PCDH9: variants seen among roughly 807,000 people sequenced by gnomAD.
The protein encoded by PCDH9 is protocadherin 9, also known as protocadherin-9.
In PCDH9, 24 loss-of-function variants were observed where a neutral mutation model predicts 70.6. The observed-to-expected ratio is 0.34, with a 90% confidence interval of 0.25 to 0.48. PCDH9 has a LOEUF of 0.48. PCDH9 is among the 20% of genes least tolerant of loss of function. The pLI is 0.99. For synonymous variants in PCDH9, 562 were observed against 558.5 expected (o/e 1.01, Z -0.09); for missense variants, 1,281 against 1,503.6 (o/e 0.85, Z 2.45).
At chr13:66,546,508 C>T (rs890366236) in intron 4 of PCDH9, among the ~76,000 whole-genome samples, 12 of 151,974 alleles carry the variant, frequency 7.9e-5, no homozygotes, top group African/African-American at 2.2e-4. Flanking sequence ...AAATATGTTC[C>T]TGTTTTAAGC....
rs566718314 is a variant in PCDH9, at chr13:66,434,938, A to G, written c.3341-129910T>C. Among the ~76,000 whole-genome samples the G allele has an allele frequency of 1.5e-4, 23 of 152,206 alleles. No individual in the cohort carries two copies. The East Asian group carries it at 3.9e-3, about 26-fold the overall frequency. On this transcript the variant is annotated intron_variant, in intron 4 of 4. Transcript: ENST00000377865. Reference sequence around the variant, plus strand: ...GAAAAAACATTAGAAGAGCCCAAAGAAGGAAATGTTTTATTGCTTAAAAAT... The same window carrying G: ...GAAAAAACATTAGAAGAGCCCAAAGGAGGAAATGTTTTATTGCTTAAAAAT...
intron 3 of PCDH9, among the ~76,000 whole-genome samples, chr13:66,828,300 A>G (rs2139399502): frequency 6.6e-6 from 1 of 152,332 alleles, no homozygotes; most frequent in African/African-American, 2.4e-5. Flanking sequence ...CCAAAGCATG[A>G]TAATTTCTGC....
chr13:66,623,381 CA>C (rs1228178875), intron 4 of PCDH9, among the ~76,000 whole-genome samples: 2 of 152,124 alleles, frequency 1.3e-5, no homozygotes, highest in Non-Finnish European at 2.9e-5. Flanking sequence ...GCTGTGGAGT[CA>C]GACACTCCTG....
chr13:66,811,734 CTCCT>C (rs1315668998), intron 3 of PCDH9, among the ~76,000 whole-genome samples: 4 of 130,266 alleles, frequency 3.1e-5, no homozygotes, highest in Middle Eastern at 3.9e-3. Context: ...TTCTCTTTCT[CTCCT>C]TCCTTCCTTC....
chr13:66,397,625 A>G (rs1024283359), intron 4 of PCDH9, among the ~76,000 whole-genome samples: 3 of 151,650 alleles, frequency 2.0e-5, no homozygotes, highest in Admixed American at 2.0e-4. Context: ...ATATATACAT[A>G]TTTTGTATAT....
chr13:66,338,489 C>A (rs567365748), intron 4 of PCDH9, among the ~76,000 whole-genome samples: 2 of 151,944 alleles, frequency 1.3e-5, no homozygotes, highest in African/African-American at 4.8e-5. Flanking sequence ...TTTTCTGAAG[C>A]TTTTTAATAT....
chr13:66,704,528 G>C (rs759230072), intron 3 of PCDH9, among the ~76,000 whole-genome samples: 2 of 152,114 alleles, frequency 1.3e-5, no homozygotes, highest in African/African-American at 2.4e-5. Context: ...AATAAGGTAA[G>C]TCTCTGACAC....
At chr13:66,907,559 A>C (rs910602087) in intron 2 of PCDH9, among the ~76,000 whole-genome samples, 1 of 152,238 alleles carries the variant, frequency 6.6e-6, no homozygotes, top group South Asian at 2.1e-4. Flanking sequence ...ACCTATAGAC[A>C]TATCTGCTCA....
intron 2 of PCDH9, among the ~76,000 whole-genome samples, chr13:67,110,229 G>C (rs2086630085): frequency 6.6e-6 from 1 of 151,514 alleles, no homozygotes. Flanking sequence ...AACAAAAAAA[G>C]AGAGAGAGAT....
chr13:66,581,683 A>G (rs1008305599), intron 4 of PCDH9, among the ~76,000 whole-genome samples: 2 of 152,178 alleles, frequency 1.3e-5, no homozygotes, highest in African/African-American at 4.8e-5. Context: ...TTCATCCACA[A>G]AAATTGAATT....
intron 3 of PCDH9, among the ~76,000 whole-genome samples, chr13:66,897,333 AAG>A (rs752875322): frequency 5.6e-4 from 85 of 152,080 alleles, no homozygotes; most frequent in African/African-American, 5.8e-4. Flanking sequence ...ATTATGAAAA[AAG>A]AGAGGTTGGA....
intron 4 of PCDH9, among the ~76,000 whole-genome samples, chr13:66,540,901 C>T (rs1960925533): frequency 6.6e-6 from 1 of 152,086 alleles, no homozygotes; most frequent in Admixed American, 6.6e-5. Context: ...GAGCAACACA[C>T]CTTGAAGGGC....
rs1412776510 is a variant in PCDH9 at position 66,944,815 on chromosome 13, C to CTGTGTG, written c.3037-41211_3037-41210insCACACA. ...CATTTAAGGCCCATCTTCTAATCGT[C>CTGTGTG]TCTGTGTGTGTGTGTGTGTGTGTGT... On this transcript the variant is annotated intron_variant, in intron 2 of 4. Transcript: ENST00000377865. 3.0e-4 allele frequency among the ~76,000 whole-genome samples: 18 copies of CTGTGTG among 60,132 alleles called. No individual in the cohort carries two copies. The East Asian group carries it at 6.7e-3, about 22-fold the overall frequency. The allele number at this position is 60,132 out of a possible 152,430, so 39.4% of individuals were successfully genotyped here.
At chr13:66,493,418 ATATC>A (rs1390070595) in intron 4 of PCDH9, among the ~76,000 whole-genome samples, 2 of 152,172 alleles carry the variant, frequency 1.3e-5, no homozygotes, top group Non-Finnish European at 1.5e-5. Flanking sequence ...AACTTAGCAC[ATATC>A]TATATGTTAT....
At chr13:66,586,010 A>G (rs2076957715) in intron 4 of PCDH9, among the ~76,000 whole-genome samples, 1 of 152,194 alleles carries the variant, frequency 6.6e-6, no homozygotes, top group Non-Finnish European at 1.5e-5. Context: ...AGCTTGCTCC[A>G]TTTCAACCCA....
At chr13:66,743,646 A>C (rs1240124436) in intron 3 of PCDH9, among the ~76,000 whole-genome samples, 4 of 152,176 alleles carry the variant, frequency 2.6e-5, no homozygotes, top group African/African-American at 9.6e-5. Flanking sequence ...AGTAGATTTT[A>C]AGTGTTCTCA....
intron 3 of PCDH9, among the ~76,000 whole-genome samples, chr13:66,840,000 C>A (rs1282606285): frequency 6.6e-6 from 1 of 152,120 alleles, no homozygotes; most frequent in African/African-American, 2.4e-5. Context: ...ATCTTAGTGC[C>A]ATGGACACTG....
chr13:66,733,654 A>G (rs2079105498), intron 3 of PCDH9, among the ~76,000 whole-genome samples: 1 of 145,458 alleles, frequency 6.9e-6, no homozygotes, highest in Non-Finnish European at 1.5e-5. Context: ...ATTTTCATAT[A>G]TAGAAAAATG....
At chr13:66,317,565 G>C (rs1955676296) in intron 4 of PCDH9, among the ~76,000 whole-genome samples, 1 of 152,044 alleles carries the variant, frequency 6.6e-6, no homozygotes, top group African/African-American at 2.4e-5. Flanking sequence ...AGAGCTTTTA[G>C]TCTTCAGAAA....
Sources: allele counts gnomAD v4.1 joint callset (sites outside exome capture counted in the v4.1 genomes callset), GRCh38; gene constraint gnomAD v4.1.1; transcripts MANE v1.5; gene names NCBI Gene and HGNC (gene_info 2026-07-23, HGNC 2026-07-21).